Variants in GCDH observed in about 807,000 individuals in gnomAD.
GCDH encodes glutaryl-CoA dehydrogenase, mitochondrial.
In GCDH, 31 loss-of-function variants were observed where a neutral mutation model predicts 52.8. The observed-to-expected ratio is 0.59, with a 90% CI of 0.44 to 0.79. The LOEUF (loss-of-function observed/expected upper bound fraction) is 0.79, where lower values mean the gene tolerates loss of function less well. GCDH is among the 30% of genes least tolerant of loss of function. GCDH has a pLI of 0.00. For synonymous variants in GCDH, 242 were observed against 250.0 expected (o/e 0.97, Z 0.30); for missense variants, 509 against 595.0 (o/e 0.86, Z 1.50).
rs772264579 is a variant in GCDH at position 12,897,914 on chromosome 19, GGGT to G, written c.1243+52_1243+54del. 38 of 1,529,326 alleles carry G rather than the reference GGGT, an allele frequency of 2.5e-5. No individual in the cohort carries two copies. In the East Asian group the frequency reaches 8.3e-4, roughly 34 times the overall value. The allele number at this position is 1,529,326 out of a possible 1,614,324, so 94.7% of individuals were successfully genotyped here. ...ACTGAGGCCTCAGTGTCTGGGGAGG[GGGT>G]ACAGGGAGGTGGGACGGGGACAGGT... On this transcript the variant is annotated intron_variant, in intron 11 of 11. Transcript: ENST00000222214.
In GCDH at chr19:12,891,523, G is replaced by T. The variant is rs1473339589; in HGVS notation, c.127+1G>T. 6.2e-7 allele frequency: 1 copy of T among 1,614,238 alleles called. No individual in the cohort carries two copies. The highest frequency in any genetic ancestry group is 1.1e-5 in the South Asian group (1 of 91,090). On this transcript the variant is annotated splice_donor_variant, in intron 3 of 11. Coordinates refer to ENST00000222214, the MANE Select transcript of GCDH (RefSeq NM_000159.4). LOFTEE classifies it high-confidence loss of function. ...AGAACACAGAGCCAACTGGCTAAGT[G>T]TAAGGACCTCTGGTCGCACCGTGTG...
At chr19:12,898,568 G>A (rs1568430276) in intron 11 of GCDH, among the ~76,000 whole-genome samples, 1 of 151,064 alleles carries the variant, frequency 6.6e-6, no homozygotes, top group East Asian at 2.0e-4. Context: ...TGACCCTGAG[G>A]ACAAGCAGCG....
chr19:12,891,620 G>A, intron 3 of GCDH, 98 bp downstream of exon 3: 1 of 1,611,520 alleles, frequency 6.2e-7, no homozygotes, highest in Non-Finnish European at 8.5e-7. Context: ...CTGCCCGAGC[G>A]GGGTGGCAGG....
Position 12,899,905 on chromosome 19 carries a change from G to C in GCDH, c.*364G>C. The C allele has an allele frequency of 6.2e-7, 1 of 1,606,652 alleles. No individual in the cohort carries two copies. Among genetic ancestry groups the C allele is most frequent in the Non-Finnish European group, 8.5e-7 (1 of 1,175,582 alleles). ...CGCCCTCCCTCCCTCCCATCTGGGG[G>C]TAGTGCCTTATGCTGGGTGTTGGAG... On this transcript the variant is annotated 3_prime_UTR_variant, in exon 12 of 12. Coordinates refer to ENST00000222214, the MANE Select transcript of GCDH (RefSeq NM_000159.4).
intron 5 of GCDH, 33 bp downstream of exon 5, chr19:12,892,211 ACC>A (rs781092843): frequency 6.4e-7 from 1 of 1,558,596 alleles, no homozygotes. Flanking sequence ...ACACTGCAGA[ACC>A]CTCTGTATTC....
At chr19:12,897,123 C>T (rs2145953361) in intron 9 of GCDH, 110 bp downstream of exon 9, 2 of 1,193,716 alleles carry the variant, frequency 1.7e-6, no homozygotes, top group Non-Finnish European at 2.4e-6. Context: ...GAGTTCCTTG[C>T]TCTGGAATGA....
At chr19:12,897,108 GGCCTGAGTTCCTT>G (rs1970699523) in intron 9 of GCDH, 95 bp downstream of exon 9, 1 of 1,207,754 alleles carries the variant, frequency 8.3e-7, no homozygotes, top group Non-Finnish European at 1.2e-6. Context: ...CCACCCACCA[GGCCTGAGTTCCTT>G]GCTCTGGAAT....
chr19:12,891,134 T>A, upstream of GCDH: 2 of 633,504 alleles, frequency 3.2e-6, no homozygotes, highest in East Asian at 5.5e-5. Flanking sequence ...TCCTCCCACT[T>A]CTTGCTGAGG....
rs765218612 is a variant in GCDH at position 12,897,030 on chromosome 19, G to T, written c.956+17G>T. ...CCTCGACAGGTGTGTGAGGGCTGCA[G>T]TGAGATTCTCTGGGGGTGTGGGGCA... On this transcript the variant is annotated intron_variant, in intron 9 of 11. Transcript: ENST00000222214. 1 of 1,591,586 alleles carries T rather than the reference G, an allele frequency of 6.3e-7. No homozygotes were observed. The highest frequency in any genetic ancestry group is 8.6e-7 in the Non-Finnish European group (1 of 1,161,818).
intron 11 of GCDH, chr19:12,898,831 T>C: frequency 5.7e-6 from 1 of 173,946 alleles, no homozygotes; most frequent in East Asian, 1.5e-4. Context: ...GAATTGGCTC[T>C]AAAAAGGAGG....
intron 11 of GCDH, 165 bp from the exon 12 acceptor site, chr19:12,899,303 T>C (rs780617569): frequency 7.7e-6 from 12 of 1,559,068 alleles, no homozygotes; most frequent in Non-Finnish European, 9.7e-6. Flanking sequence ...AGTCTTCTCC[T>C]GGAGACTGTC....
rs1261938544 is a variant in GCDH, at chr19:12,897,362, T to G, written c.1016T>G (p.Met339Arg). 6.2e-7 allele frequency: 1 copy of G among 1,613,526 alleles called. No individual in the cohort carries two copies. Among genetic ancestry groups the G allele is most frequent in the African/African-American group, 1.3e-5 (1 of 74,866 alleles). Residue 339 changes from methionine to arginine, a missense_variant, in exon 10 of 12, where the codon ATG (methionine) becomes AGG (arginine). Transcript: ENST00000222214. The part of the protein sequence containing the change: ...NQLIQKKLAD[M>R]LTEITLGLHA... ...CTGATTCAGAAGAAGCTGGCAGACATGCTCACTGAGATTACCCTGGGCCTT... is the reference window on the plus strand; with the variant it reads ...CTGATTCAGAAGAAGCTGGCAGACAGGCTCACTGAGATTACCCTGGGCCTT...
At chr19:12,899,120 G>A (rs912994327) in intron 11 of GCDH, 4 of 586,514 alleles carry the variant, frequency 6.8e-6, no homozygotes, top group African/African-American at 1.9e-5. Context: ...GCTGGGGGTG[G>A]GGAGAACTTG....
intron 4 of GCDH, 37 bp from the exon 5 acceptor site, chr19:12,892,078 AG>A: frequency 6.2e-7 from 1 of 1,613,616 alleles, no homozygotes; most frequent in Non-Finnish European, 8.5e-7. Context: ...CCTGTGGCCT[AG>A]GCCTGGGCCT....
At chr19:12,897,654 C>G in intron 10 of GCDH, 49 bp from the exon 11 acceptor site, 1 of 1,607,256 alleles carries the variant, frequency 6.2e-7, no homozygotes, top group Non-Finnish European at 8.5e-7. Context: ...CTTGGAGCAT[C>G]GGGATGCCAG....
At chr19:12,892,252 C>T (rs1970576871) in intron 5 of GCDH, 74 bp downstream of exon 5, 3 of 1,173,666 alleles carry the variant, frequency 2.6e-6, no homozygotes, top group Non-Finnish European at 2.6e-6. Flanking sequence ...TCCCTCCCTC[C>T]CTTTCTTCCT....
Position 12,891,409 on chromosome 19 carries a change from C to A in GCDH, c.91+14C>A, listed in dbSNP as rs767439598. On this transcript the variant is annotated intron_variant, in intron 2 of 11. Coordinates refer to ENST00000222214, the MANE Select transcript of GCDH (RefSeq NM_000159.4). ...CGGCGCAGACCGGTCAGTGTGGGGT[C>A]GGGAGTGTGGAGGGAAGGAGGGAGG... is the stretch of plus-strand genomic sequence containing the variant. 3.1e-6 allele frequency: 5 copies of A among 1,614,038 alleles called. No homozygotes were observed. The highest frequency in any genetic ancestry group is 1.7e-5 in the Admixed American group (1 of 60,012).
chr19:12,894,155 C>A lies in GCDH; in HGVS notation c.505+502C>A. 3 of 1,561,478 alleles carry A rather than the reference C, an allele frequency of 1.9e-6. No homozygotes were observed. In the South Asian group the frequency reaches 3.4e-5, roughly 18 times the overall value. The stretch of plus-strand genomic sequence containing the variant: ...AAGATGAAGCTGAACATCTCCTTCC[C>A]AGCCACTGGCTGCCAGAAACTCATT... On this transcript the variant is annotated intron_variant, in intron 6 of 11. Transcript: ENST00000222214.
chr19:12,898,129 T>C (rs2145955903), intron 11 of GCDH: 2 of 505,642 alleles, frequency 4.0e-6, no homozygotes, highest in East Asian at 7.4e-5. Flanking sequence ...GGAGGAGGGA[T>C]GTTCCTGAGA....
Sources: allele counts gnomAD v4.1 joint callset (sites outside exome capture counted in the v4.1 genomes callset), GRCh38; gene constraint gnomAD v4.1.1; transcripts MANE v1.5; gene names NCBI Gene and HGNC (gene_info 2026-07-23, HGNC 2026-07-21).